The following GPATCH2 variants were observed in gnomAD, a reference collection of about 807,000 sequenced individuals.
The protein encoded by GPATCH2 is G-patch domain containing 2.
Under a neutral mutation model 58.0 loss-of-function variants are expected in GPATCH2, and 51 were observed. That is an observed-to-expected ratio of 0.88 (90% CI 0.70 to 1.11). GPATCH2 has a LOEUF of 1.11. Ranked by LOEUF, GPATCH2 falls within the 50% of genes most tolerant of loss-of-function variation. The pLI is 0.00. For synonymous variants in GPATCH2, 222 were observed against 218.5 expected (o/e 1.02, Z -0.14); for missense variants, 625 against 652.2 (o/e 0.96, Z 0.45).
intron 8 of GPATCH2, among the ~76,000 whole-genome samples, chr1:217,462,844 G>C (rs1001097399): frequency 1.3e-5 from 2 of 152,172 alleles, no homozygotes; most frequent in African/African-American, 2.4e-5. Context: ...GCAGCCCAAA[G>C]AGACAAAGTT....
intron 5 of GPATCH2, among the ~76,000 whole-genome samples, chr1:217,533,126 C>T (rs1379456063): frequency 6.6e-6 from 1 of 151,096 alleles, no homozygotes; most frequent in African/African-American, 2.4e-5. Context: ...CCAGGCTGGT[C>T]TTGAACTCCT....
chr1:217,448,254 T>C (rs1322569521), intron 9 of GPATCH2, among the ~76,000 whole-genome samples: 1 of 152,204 alleles, frequency 6.6e-6, no homozygotes, highest in East Asian at 1.9e-4. Context: ...CTTATTTTCA[T>C]AGTCTATAAT....
intron 6 of GPATCH2, among the ~76,000 whole-genome samples, chr1:217,507,875 T>G (rs1157492429): frequency 6.6e-6 from 1 of 152,110 alleles, no homozygotes; most frequent in Non-Finnish European, 1.5e-5. Flanking sequence ...TCAAATTATT[T>G]ATAAAATGGG....
At chr1:217,470,823 T>C (rs923054702) in intron 8 of GPATCH2, among the ~76,000 whole-genome samples, 5 of 152,112 alleles carry the variant, frequency 3.3e-5, no homozygotes, top group African/African-American at 1.2e-4. Context: ...TTCTTTTTAA[T>C]TGGAATATAT....
At chr1:217,532,726 G>A (rs1664253627) in intron 5 of GPATCH2, among the ~76,000 whole-genome samples, 2 of 152,070 alleles carry the variant, frequency 1.3e-5, no homozygotes, top group African/African-American at 4.8e-5. Flanking sequence ...AAAGGAAATA[G>A]CATATATGAA....
intron 1 of GPATCH2, among the ~76,000 whole-genome samples, chr1:217,623,258 G>A (rs1558535567): frequency 1.3e-5 from 2 of 151,986 alleles, no homozygotes; most frequent in Admixed American, 1.3e-4. Flanking sequence ...AAATTAACTC[G>A]ATGTATGAAT....
chr1:217,544,999 C>T (rs73105642), intron 5 of GPATCH2, among the ~76,000 whole-genome samples: 2,262 of 152,254 alleles, frequency 0.015, 66 homozygotes, highest in African/African-American at 0.051. Flanking sequence ...ATCAGCCCCT[C>T]TCCTTCTTGT....
At chr1:217,533,896 A>G (rs1381968797) in intron 5 of GPATCH2, among the ~76,000 whole-genome samples, 1 of 152,184 alleles carries the variant, frequency 6.6e-6, no homozygotes, top group Non-Finnish European at 1.5e-5. Context: ...GAAATACTTA[A>G]ATGAATATAA....
At chr1:217,603,868 CTGCCTTGGCCTCCCAAAGTGCT>C (rs1668230435) in intron 5 of GPATCH2, among the ~76,000 whole-genome samples, 1 of 152,028 alleles carries the variant, frequency 6.6e-6, no homozygotes. Flanking sequence ...AGTGATCCAT[CTGCCTTGGCCTCCCAAAGTGCT>C]GTGATTATAG....
At chr1:217,483,033 G>A (rs1661287304) in intron 8 of GPATCH2, among the ~76,000 whole-genome samples, 1 of 152,024 alleles carries the variant, frequency 6.6e-6, no homozygotes. Flanking sequence ...CTTTTTATTG[G>A]TGACTGAATT....
chr1:217,606,350 C>T (rs1003103622), intron 5 of GPATCH2, among the ~76,000 whole-genome samples: 1 of 151,662 alleles, frequency 6.6e-6, no homozygotes, highest in Non-Finnish European at 1.5e-5. Flanking sequence ...AACTATGATT[C>T]ACAGACCATA....
At chr1:217,551,238 C>T (rs1188193431) in intron 5 of GPATCH2, among the ~76,000 whole-genome samples, 2 of 152,050 alleles carry the variant, frequency 1.3e-5, no homozygotes, top group Non-Finnish European at 1.5e-5. Flanking sequence ...AGGCCTGCAC[C>T]GGCATTCTAT....
At chr1:217,622,930 A>C (rs1484828516) in intron 1 of GPATCH2, among the ~76,000 whole-genome samples, 1 of 152,244 alleles carries the variant, frequency 6.6e-6, no homozygotes, top group Non-Finnish European at 1.5e-5. Context: ...AACAGAGGCT[A>C]CAACTTTGAC....
At chr1:217,608,526 G>C (rs1310153263) in intron 5 of GPATCH2, 2 of 984,618 alleles carry the variant, frequency 2.0e-6, no homozygotes, top group Non-Finnish European at 2.4e-6. Flanking sequence ...AAATACCACA[G>C]TGAGATTGCA....
chr1:217,622,991 G>A (rs930735346), intron 1 of GPATCH2, among the ~76,000 whole-genome samples: 5 of 152,142 alleles, frequency 3.3e-5, no homozygotes, highest in Non-Finnish European at 4.4e-5. Context: ...GTTATCAAAT[G>A]CCCTTTTCCC....
chr1:217,559,238 G>A (rs1665800370), intron 5 of GPATCH2, among the ~76,000 whole-genome samples: 1 of 151,444 alleles, frequency 6.6e-6, no homozygotes, highest in African/African-American at 2.4e-5. Flanking sequence ...ATTCAAACCA[G>A]ATCAGCTAAG....
chr1:217,595,535 T>C (rs1667782558), intron 5 of GPATCH2, among the ~76,000 whole-genome samples: 1 of 152,108 alleles, frequency 6.6e-6, no homozygotes, highest in Admixed American at 6.5e-5. Context: ...GTCTCACTTT[T>C]GTTGCCCGGG....
intron 5 of GPATCH2, among the ~76,000 whole-genome samples, chr1:217,567,526 G>C (rs934418014): frequency 6.6e-6 from 1 of 152,284 alleles, no homozygotes; most frequent in East Asian, 1.9e-4. Context: ...TACCTTAGCT[G>C]GTTCTCAGTG....
At chr1:217,511,093 T>C (rs1481418963) in intron 6 of GPATCH2, among the ~76,000 whole-genome samples, 1 of 151,832 alleles carries the variant, frequency 6.6e-6, no homozygotes, top group Non-Finnish European at 1.5e-5. Flanking sequence ...TGAGAATCCG[T>C]GTCAAAAGAA....
Sources: allele counts gnomAD v4.1 joint callset (sites outside exome capture counted in the v4.1 genomes callset), GRCh38; gene constraint gnomAD v4.1.1; transcripts MANE v1.5; gene names NCBI Gene and HGNC (gene_info 2026-07-23, HGNC 2026-07-21).